LAMA3: variants seen among roughly 807,000 people sequenced by gnomAD.
LAMA3 encodes the protein laminin subunit alpha-3.
A neutral mutation model predicts 402.0 loss-of-function variants in LAMA3; 281 were observed. That is an observed-to-expected ratio of 0.70 (90% CI 0.63 to 0.77). LAMA3 has a LOEUF of 0.77. Among genes scored for constraint, LAMA3 ranks in the 30% least tolerant of loss-of-function variants. LAMA3 has a pLI of 0.00. For synonymous variants in LAMA3, 1,431 were observed against 1,558.4 expected, an observed-to-expected ratio of 0.92 and a Z score of 1.93; for missense variants, 3,840 against 4,215.5, an observed-to-expected ratio of 0.91 and a Z score of 2.47.
intron 41 of LAMA3, among the ~76,000 whole-genome samples, chr18:23,889,039 A>C (rs542454506): frequency 6.6e-6 from 1 of 152,172 alleles, no homozygotes; most frequent in Non-Finnish European, 1.5e-5. Context: ...AAAAAGGCTC[A>C]GGGCCAAAGG....
chr18:23,758,310 C>A, intron 6 of LAMA3, 86 bp from the exon 7 acceptor site: 1 of 897,878 alleles, frequency 1.1e-6, no homozygotes, highest in Non-Finnish European at 1.8e-6. Flanking sequence ...ACCGTGATGA[C>A]TCGTGTGTCA....
chr18:23,723,873 A>T (rs370045040), intron 2 of LAMA3, among the ~76,000 whole-genome samples: 10 of 152,054 alleles, frequency 6.6e-5, no homozygotes, highest in African/African-American at 2.4e-4. Flanking sequence ...TACTATCTGT[A>T]TTTTTTTTAA....
intron 2 of LAMA3, among the ~76,000 whole-genome samples, chr18:23,741,073 C>G (rs2061554440): frequency 6.6e-6 from 1 of 152,074 alleles, no homozygotes; most frequent in South Asian, 2.1e-4. Flanking sequence ...CCTGCCTCAG[C>G]CTCCCGAGTA....
intron 59 of LAMA3, among the ~76,000 whole-genome samples, chr18:23,916,154 A>G (rs530972741): frequency 1.3e-5 from 2 of 152,088 alleles, no homozygotes; most frequent in South Asian, 4.2e-4. Flanking sequence ...TGAACTCCTA[A>G]CCTTCCCTAC....
At chr18:23,749,631 C>T in intron 4 of LAMA3, 85 bp downstream of exon 4, 1 of 845,270 alleles carries the variant, frequency 1.2e-6, no homozygotes, top group Non-Finnish European at 2.1e-6. Context: ...GAAACTTGCA[C>T]TTTCAAGGAC....
intron 32 of LAMA3, among the ~76,000 whole-genome samples, chr18:23,855,991 G>A (rs2064069353): frequency 6.6e-6 from 1 of 152,140 alleles, no homozygotes; most frequent in South Asian, 2.1e-4. Flanking sequence ...AATAGTAATA[G>A]CAAATACTTA....
chr18:23,909,442 T>C (rs2081361223), intron 55 of LAMA3, 147 bp downstream of exon 55: 3 of 775,874 alleles, frequency 3.9e-6, no homozygotes, highest in Non-Finnish European at 6.6e-6. Context: ...TAAAGATTGA[T>C]TTTCTCCTGT....
intron 12 of LAMA3, among the ~76,000 whole-genome samples, chr18:23,802,688 C>T (rs1441640628): frequency 2.6e-5 from 4 of 152,178 alleles, no homozygotes; most frequent in African/African-American, 7.2e-5. Flanking sequence ...TAAGACCTCT[C>T]GACCACCAGA....
chr18:23,824,598 G>C, intron 21 of LAMA3, 33 bp downstream of exon 21: 1 of 1,611,726 alleles, frequency 6.2e-7, no homozygotes, highest in Non-Finnish European at 8.5e-7. Context: ...GAGCTCCTGC[G>C]GGATTCTTCC....
At chr18:23,861,953 A>G in intron 35 of LAMA3, 146 bp downstream of exon 35, 1 of 897,460 alleles carries the variant, frequency 1.1e-6, no homozygotes, top group Non-Finnish European at 1.7e-6. Context: ...AGTGAGGAAG[A>G]GACCCTGCCT....
chr18:23,800,885 A>G (rs1471226111), intron 12 of LAMA3, among the ~76,000 whole-genome samples: 1 of 152,144 alleles, frequency 6.6e-6, no homozygotes. Flanking sequence ...GTTGAATAGT[A>G]TTCCCCTGTG....
At chr18:23,845,163 G>T (rs550447856) in intron 30 of LAMA3, 39 bp downstream of exon 30, 2 of 1,201,526 alleles carry the variant, frequency 1.7e-6, no homozygotes, top group South Asian at 1.2e-5. Context: ...GAATGCAGAG[G>T]CACTCCCACA....
chr18:23,943,313 G>GT, intron 68 of LAMA3, among the ~76,000 whole-genome samples: 1 of 152,300 alleles, frequency 6.6e-6, no homozygotes, highest in East Asian at 1.9e-4. Context: ...GGGAGCTCTT[G>GT]TTTCATGGGT....
In LAMA3 at chr18:23,819,972, G is replaced by A; in HGVS notation, c.2279G>A (p.Gly760Glu). The part of the protein sequence containing the change: ...PLAFPEFSWR[G>E]YAQMTSVQND... The stretch of plus-strand genomic sequence containing the variant: ...GCATTTCCTGAGTTTAGCTGGAGAG[G>A]ATATGCCCAAATGACCTCAGTACAG... Residue 760 changes from glycine to glutamate, a missense_variant, in exon 19 of 75, where the codon GGA becomes GAA. Physicochemically the swap from Gly to Glu is moderately conservative, Grantham distance 98. Transcript: ENST00000313654. 2 of 1,614,114 alleles carry A rather than the reference G, an allele frequency of 1.2e-6. No individual in the cohort carries two copies. The highest frequency in any genetic ancestry group is 2.2e-5 in the East Asian group (1 of 44,870).
In LAMA3 at chr18:23,692,396, C is replaced by G. The variant is rs556947111; in HGVS notation, c.294+2419C>G. Among the ~76,000 whole-genome samples the G allele has an allele frequency of 1.1e-4, 17 of 152,274 alleles. No individual in the cohort carries two copies. The South Asian group carries it at 1.2e-3, about 11-fold the overall frequency. On this transcript the variant is annotated intron_variant, in intron 1 of 74. Transcript: ENST00000313654. ...AAGCTATTCTTCTGCCTCAGCCTCC[C>G]GAGTAGCTGGGATTACAGGCGCCTG...
intron 27 of LAMA3, among the ~76,000 whole-genome samples, chr18:23,841,115 T>C (rs1396046815): frequency 4.6e-5 from 7 of 152,196 alleles, no homozygotes; most frequent in African/African-American, 7.2e-5. Flanking sequence ...AAATCCCATA[T>C]GGGAAAGGCA....
At chr18:23,698,471 C>T (rs1227113353) in intron 1 of LAMA3, among the ~76,000 whole-genome samples, 1 of 152,162 alleles carries the variant, frequency 6.6e-6, no homozygotes, top group Non-Finnish European at 1.5e-5. Context: ...TCCCAAAGTG[C>T]TGGGATTACA....
intron 60 of LAMA3, among the ~76,000 whole-genome samples, chr18:23,917,440 A>G (rs1384448129): frequency 6.6e-6 from 1 of 152,210 alleles, no homozygotes; most frequent in Non-Finnish European, 1.5e-5. Context: ...GAAATAGACA[A>G]ACTGCTTTCC....
intron 72 of LAMA3, 51 bp downstream of exon 72, chr18:23,950,210 T>G: frequency 6.2e-7 from 1 of 1,610,890 alleles, no homozygotes; most frequent in Non-Finnish European, 8.5e-7. Flanking sequence ...CCAGCTTCAA[T>G]GTCTGGAGGC....
Sources: gnomAD v4.1 joint callset for allele counts (sites outside exome capture counted in the v4.1 genomes callset) on GRCh38, gnomAD v4.1.1 for gene constraint, MANE v1.5 for transcripts, NCBI Gene and HGNC (gene_info 2026-07-23, HGNC 2026-07-21) for gene names.